Variants in PKD2 observed in about 807,000 individuals in gnomAD.
PKD2 encodes polycystin-2.
PKD2 carries 48 observed loss-of-function variants against 105.9 expected under a neutral mutation model. That is an observed-to-expected ratio of 0.45 (90% CI 0.36 to 0.58). The LOEUF (loss-of-function observed/expected upper bound fraction) is 0.58, where lower values mean the gene tolerates loss of function less well. PKD2 is among the 20% of genes least tolerant of loss of function. The pLI is 0.00. For missense variants in PKD2, 1,078 were observed against 1,255.3 expected, an observed-to-expected ratio of 0.86 and a Z score of 2.13; for synonymous variants, 464 against 481.1, an observed-to-expected ratio of 0.96 and a Z score of 0.46.
At chr4:88,029,149 T>C (rs1233118237) in intron 2 of PKD2, among the ~76,000 whole-genome samples, 1 of 152,204 alleles carries the variant, frequency 6.6e-6, no homozygotes, top group East Asian at 1.9e-4. Flanking sequence ...TCCTGGCATT[T>C]GGTCCAGTGG....
chr4:88,045,413 C>G (rs949184021), intron 5 of PKD2, among the ~76,000 whole-genome samples: 1 of 152,214 alleles, frequency 6.6e-6, no homozygotes, highest in African/African-American at 2.4e-5. Context: ...ACTTCTCTGA[C>G]CAGTTCTAAT....
chr4:88,022,269 C>G (rs1164705221), intron 2 of PKD2, among the ~76,000 whole-genome samples: 7 of 152,188 alleles, frequency 4.6e-5, no homozygotes, highest in Admixed American at 3.3e-4. Context: ...ATTCATTCAT[C>G]TCACATCAGC....
intron 3 of PKD2, among the ~76,000 whole-genome samples, chr4:88,037,904 A>G (rs1727399091): frequency 6.6e-6 from 1 of 152,204 alleles, no homozygotes; most frequent in African/African-American, 2.4e-5. Flanking sequence ...GTGGGACATT[A>G]TTTTAATAAG....
Position 88,075,848 on chromosome 4 carries a change from A to T in PKD2, c.*154A>T. 2 of 702,832 alleles carry T rather than the reference A, an allele frequency of 2.8e-6. No homozygotes were observed. Among genetic ancestry groups the T allele is most frequent in the Non-Finnish European group, 5.0e-6 (2 of 397,774 alleles). 43.5% of individuals were successfully genotyped at this position (702,832 alleles called of 1,614,324 possible). A position where few individuals can be genotyped will look rare whatever the true frequency, so the allele number is the denominator to read the frequency against. On this transcript the variant is annotated 3_prime_UTR_variant, in exon 15 of 15. Coordinates refer to ENST00000237596, the MANE Select transcript of PKD2 (RefSeq NM_000297.4). ...TCTGCACTTTAATTTATTTTATATA[A>T]ACTTTACCCATGGTTCAAAGATTTT...
intron 13 of PKD2, among the ~76,000 whole-genome samples, chr4:88,069,039 A>T (rs1355869211): frequency 6.6e-6 from 1 of 152,206 alleles, no homozygotes; most frequent in Non-Finnish European, 1.5e-5. Context: ...TCATTACAAG[A>T]TGTTATCCAC....
rs116747010 is a variant in PKD2 at position 88,035,345 on chromosome 4, G to A, written c.710-875G>A. 5.4e-3 allele frequency among the ~76,000 whole-genome samples: 815 copies of A among 152,320 alleles called. 5 individuals carry two copies. Among genetic ancestry groups the A allele is most frequent in the African/African-American group, 0.018 (758 of 41,578 alleles). On this transcript the variant is annotated intron_variant, in intron 2 of 14. Coordinates refer to ENST00000237596, the MANE Select transcript of PKD2 (RefSeq NM_000297.4). ...TGATTGGTAGGTGGGAAGCAGATAT[G>A]TCTGTGTCAATCAGTATCCTGGAAG...
rs73841256 is a variant in PKD2, at chr4:88,014,352, T to C, written c.596-5106T>C. On this transcript the variant is annotated intron_variant, in intron 1 of 14. Transcript: ENST00000237596. Reference sequence around the variant, plus strand: ...TGTCTGCACCTCAGGAGATGGCTGATTAAGAATTCAGGATTCAGGCCAGGC... The same window carrying C: ...TGTCTGCACCTCAGGAGATGGCTGACTAAGAATTCAGGATTCAGGCCAGGC... Among the ~76,000 whole-genome samples, 1,356 of 152,108 alleles carry C rather than the reference T, an allele frequency of 8.9e-3. 17 individuals carry two copies. Among genetic ancestry groups the C allele is most frequent in the African/African-American group, 0.03 (1,263 of 41,506 alleles).
intron 6 of PKD2, among the ~76,000 whole-genome samples, chr4:88,048,097 A>G (rs947336007): frequency 1.3e-5 from 2 of 152,236 alleles, no homozygotes; most frequent in Non-Finnish European, 2.9e-5. Flanking sequence ...GCATATAACA[A>G]CATGCTTAAT....
At chr4:88,017,940 A>AC (rs1726615584) in intron 1 of PKD2, among the ~76,000 whole-genome samples, 1 of 152,226 alleles carries the variant, frequency 6.6e-6, no homozygotes, top group Non-Finnish European at 1.5e-5. Flanking sequence ...AAATAAATTT[A>AC]CCCAAAGAAG....
At position 88,036,205 on chromosome 4, in the gene PKD2, C is replaced by T. The variant is rs763408306; in HGVS notation, c.710-15C>T. 5 of 1,613,632 alleles carry T rather than the reference C, an allele frequency of 3.1e-6. No individual in the cohort carries two copies. The highest frequency in any genetic ancestry group is 2.2e-5 in the East Asian group (1 of 44,890). ...GTTCCCTTGGGGCGTTCATTTGGATCTTTCTGTGTTCCAGTGACCTACGGC... is the reference window on the plus strand; with the variant it reads ...GTTCCCTTGGGGCGTTCATTTGGATTTTTCTGTGTTCCAGTGACCTACGGC... On this transcript the variant is annotated splice_polypyrimidine_tract_variant and intron_variant, in intron 2 of 14. Coordinates refer to ENST00000237596, the MANE Select transcript of PKD2 (RefSeq NM_000297.4).
intron 2 of PKD2, among the ~76,000 whole-genome samples, chr4:88,024,573 A>G (rs1726887938): frequency 6.6e-6 from 1 of 151,856 alleles, no homozygotes; most frequent in Non-Finnish European, 1.5e-5. Context: ...TGTATTTGTC[A>G]TTTCCTTTTT....
At chr4:88,054,717 C>CA (rs1473677348) in intron 7 of PKD2, among the ~76,000 whole-genome samples, 1 of 143,038 alleles carries the variant, frequency 7.0e-6, no homozygotes, top group African/African-American at 2.6e-5. Context: ...TGCAGTGGCA[C>CA]AATCTTAGCT....
At chr4:88,039,119 A>G (rs1430654314) in intron 4 of PKD2, among the ~76,000 whole-genome samples, 4 of 152,274 alleles carry the variant, frequency 2.6e-5, no homozygotes, top group Middle Eastern at 6.8e-3. Context: ...AAGAAACAAG[A>G]AGACCTCCAA....
chr4:88,036,442 C>A, intron 3 of PKD2, 89 bp downstream of exon 3: 1 of 1,591,348 alleles, frequency 6.3e-7, no homozygotes, highest in African/African-American at 1.3e-5. Context: ...ATCGACAGGA[C>A]CTGCTTTGCA....
chr4:88,026,342 C>T (rs1726958126), intron 2 of PKD2, among the ~76,000 whole-genome samples: 1 of 152,164 alleles, frequency 6.6e-6, no homozygotes, highest in South Asian at 2.1e-4. Flanking sequence ...GCATTTTTCC[C>T]CTGCCCTAGA....
chr4:88,009,439 G>C (rs1432642949), intron 1 of PKD2, among the ~76,000 whole-genome samples: 1 of 151,880 alleles, frequency 6.6e-6, no homozygotes, highest in Non-Finnish European at 1.5e-5. Flanking sequence ...CCACTCATTA[G>C]CTGTACGACC....
intron 2 of PKD2, among the ~76,000 whole-genome samples, chr4:88,028,419 T>C (rs964469068): frequency 2.0e-5 from 3 of 152,212 alleles, no homozygotes; most frequent in Non-Finnish European, 4.4e-5. Context: ...ACAGTTTCAG[T>C]CTTAAGATCA....
intron 10 of PKD2, among the ~76,000 whole-genome samples, chr4:88,064,923 C>T (rs1325285382): frequency 6.6e-6 from 1 of 150,666 alleles, no homozygotes; most frequent in Non-Finnish European, 1.5e-5. Context: ...CTACATTTCA[C>T]TGGGTTTTTT....
chr4:88,011,814 A>T (rs1726389487), intron 1 of PKD2, among the ~76,000 whole-genome samples: 1 of 138,800 alleles, frequency 7.2e-6, no homozygotes, highest in Admixed American at 8.4e-5. Context: ...TGACTGATGA[A>T]TTTAGCCTGT....
Sources: allele counts gnomAD v4.1 joint callset (sites outside exome capture counted in the v4.1 genomes callset), GRCh38; gene constraint gnomAD v4.1.1; transcripts MANE v1.5; gene names NCBI Gene and HGNC (gene_info 2026-07-23, HGNC 2026-07-21).